The following FLT3 variants were observed in gnomAD, a reference collection of about 807,000 sequenced individuals.
FLT3 encodes fms related receptor tyrosine kinase 3, also known as receptor-type tyrosine-protein kinase FLT3.
In FLT3, 46 loss-of-function variants were observed where a neutral mutation model predicts 126.6. The observed-to-expected ratio is 0.36, with a 90% CI of 0.29 to 0.46. The LOEUF is 0.46. Among genes scored for constraint, FLT3 ranks in the 20% least tolerant of loss-of-function variants. The pLI, the probability that FLT3 is intolerant of heterozygous loss-of-function variation, is 1.00. For missense variants in FLT3, 1,069 were observed against 1,190.3 expected, an observed-to-expected ratio of 0.90 and a Z score of 1.50; for synonymous variants, 404 against 434.4, an observed-to-expected ratio of 0.93 and a Z score of 0.87.
intron 4 of FLT3, 112 bp from the exon 5 acceptor site, chr13:28,052,786 A>G (rs1239945718): frequency 3.1e-6 from 2 of 651,954 alleles, no homozygotes; most frequent in Non-Finnish European, 4.8e-6. Flanking sequence ...TTACGTATAC[A>G]TATTTTTTTC....
intron 2 of FLT3, among the ~76,000 whole-genome samples, chr13:28,064,691 A>G (rs1876864140): frequency 6.6e-6 from 1 of 152,240 alleles, no homozygotes. Flanking sequence ...CAGACTGGCA[A>G]AAAATTAAAA....
intron 4 of FLT3, among the ~76,000 whole-genome samples, chr13:28,054,053 T>C (rs1875787942): frequency 6.6e-6 from 1 of 152,186 alleles, no homozygotes; most frequent in African/African-American, 2.4e-5. Context: ...CTGAACATTC[T>C]ACACATTTGT....
At chr13:28,017,120 G>A (rs1020588696) in intron 20 of FLT3, among the ~76,000 whole-genome samples, 4 of 152,056 alleles carry the variant, frequency 2.6e-5, no homozygotes, top group African/African-American at 9.7e-5. Flanking sequence ...GTACTCTGAG[G>A]AATAAATGAA....
chr13:28,099,389 C>T (rs1879675937), intron 1 of FLT3, among the ~76,000 whole-genome samples: 1 of 152,292 alleles, frequency 6.6e-6, no homozygotes, highest in East Asian at 1.9e-4. Context: ...CAACTCTTTT[C>T]CCCCGATTTC....
chr13:28,096,192 A>G (rs1879438117), intron 1 of FLT3, among the ~76,000 whole-genome samples: 1 of 151,810 alleles, frequency 6.6e-6, no homozygotes, highest in Non-Finnish European at 1.5e-5. Flanking sequence ...CCATCTCTAC[A>G]AAAAATACAA....
chr13:28,048,906 AT>A (rs1875150784), intron 8 of FLT3, among the ~76,000 whole-genome samples: 1 of 152,132 alleles, frequency 6.6e-6, no homozygotes, highest in Non-Finnish European at 1.5e-5. Context: ...CTAATCTGAG[AT>A]TATTGAACTG....
chr13:28,008,275 CAAA>C (rs11409962), intron 23 of FLT3, among the ~76,000 whole-genome samples: 3 of 87,100 alleles, frequency 3.4e-5, no homozygotes, highest in African/African-American at 9.4e-5. Flanking sequence ...GAACCTGTCT[CAAA>C]AAAAAAAAAA....
chr13:28,053,687 A>G (rs4771208), intron 4 of FLT3, among the ~76,000 whole-genome samples: 36,671 of 151,646 alleles, frequency 0.24, 4,955 homozygotes, highest in African/African-American at 0.35. Context: ...TCAATATGTA[A>G]CTTCTACAAC....
rs573156326 is a variant in FLT3 at position 28,052,253 on chromosome 13, C to T, written c.614+292G>A. ...GGTATTTTAGGTGCCTGCCACCACA[C>T]CCAGTTAATTTTTTGTATTTTTAGT... On this transcript the variant is annotated intron_variant, in intron 5 of 23. Coordinates refer to ENST00000241453, the MANE Select transcript of FLT3 (RefSeq NM_004119.3). 8.7e-4 allele frequency among the ~76,000 whole-genome samples: 132 copies of T among 151,646 alleles called. 1 individual carries two copies. The highest frequency in any genetic ancestry group is 3.1e-3 in the African/African-American group (129 of 41,086).
chr13:28,035,761 T>G (rs1873779916), intron 11 of FLT3, 88 bp from the exon 12 acceptor site: 1 of 1,370,612 alleles, frequency 7.3e-7, no homozygotes, highest in Admixed American at 2.0e-5. Context: ...TAAAAGAGAT[T>G]CATCCAGTAT....
intron 20 of FLT3, among the ~76,000 whole-genome samples, chr13:28,016,083 A>C (rs1236375224): frequency 6.6e-6 from 1 of 152,120 alleles, no homozygotes; most frequent in African/African-American, 2.4e-5. Context: ...CCTTTAGTGG[A>C]AATGTCATCC....
chr13:28,026,206 T>C (rs1428561620), intron 17 of FLT3, among the ~76,000 whole-genome samples: 2 of 151,614 alleles, frequency 1.3e-5, no homozygotes, highest in African/African-American at 4.8e-5. Context: ...CAAAATTAGC[T>C]GGGCGTGGTG....
chr13:28,005,884 T>C (rs189462890), intron 23 of FLT3, among the ~76,000 whole-genome samples: 4 of 152,288 alleles, frequency 2.6e-5, no homozygotes, highest in African/African-American at 7.2e-5. Context: ...ATCTGCAAAG[T>C]TGGGCCTTTT....
intron 9 of FLT3, among the ~76,000 whole-genome samples, chr13:28,042,100 C>A (rs946815488): frequency 6.7e-6 from 1 of 149,886 alleles, no homozygotes; most frequent in Non-Finnish European, 1.5e-5. Context: ...GAGCCGAGAT[C>A]GCACCATTGC....
At chr13:28,083,397 TA>T (rs1878456215) in intron 1 of FLT3, among the ~76,000 whole-genome samples, 1 of 152,234 alleles carries the variant, frequency 6.6e-6, no homozygotes, top group Non-Finnish European at 1.5e-5. Flanking sequence ...TTCAATTTGT[TA>T]AAATATTACT....
chr13:28,070,461 G>C (rs754089634), intron 2 of FLT3, 30 bp downstream of exon 2: 2 of 1,591,192 alleles, frequency 1.3e-6, no homozygotes, highest in South Asian at 1.1e-5. Context: ...GAGAAAAACA[G>C]CTAAAGGTAT....
chr13:28,031,830 T>G (rs1593237675), intron 15 of FLT3, among the ~76,000 whole-genome samples: 1 of 152,092 alleles, frequency 6.6e-6, no homozygotes, highest in Admixed American at 6.5e-5. Flanking sequence ...ATGCGGGTGG[T>G]GGAGGAAATG....
intron 1 of FLT3, among the ~76,000 whole-genome samples, chr13:28,097,211 C>T (rs1264054916): frequency 7.3e-6 from 1 of 137,384 alleles, no homozygotes; most frequent in Admixed American, 7.5e-5. Context: ...GGGAGACTGT[C>T]GAAAGAAAGA....
At position 28,015,225 on chromosome 13, in the gene FLT3, A is replaced by C; in HGVS notation, c.2685T>G (p.Asp895Glu). 3 of 1,612,086 alleles carry C rather than the reference A, an allele frequency of 1.9e-6. No individual in the cohort carries two copies. Among genetic ancestry groups the C allele is most frequent in the South Asian group, 1.1e-5 (1 of 90,958 alleles). The part of the protein sequence containing the change: ...GVNPYPGIPV[D>E]ANFYKLIQNG... ...TTTGAATCAGTTTGTAGAAGTTAGCATCAACCGGAATGCCAGGGTAAGGAT... is the reference window on the plus strand; with the variant it reads ...TTTGAATCAGTTTGTAGAAGTTAGCCTCAACCGGAATGCCAGGGTAAGGAT... Residue 895 changes from aspartate to glutamate, a missense_variant, in exon 22 of 24, where the codon GAT (aspartate) becomes GAG (glutamate). Coordinates refer to ENST00000241453, the MANE Select transcript of FLT3 (RefSeq NM_004119.3).
Sources: allele counts gnomAD v4.1 joint callset (sites outside exome capture counted in the v4.1 genomes callset), GRCh38; gene constraint gnomAD v4.1.1; transcripts MANE v1.5; gene names NCBI Gene and HGNC (gene_info 2026-07-23, HGNC 2026-07-21).